ROCK1: variants seen among roughly 807,000 people sequenced by gnomAD.
ROCK1 encodes the protein rho-associated protein kinase 1.
Under a neutral mutation model 196.8 loss-of-function variants are expected in ROCK1, and 36 were observed. That is an observed-to-expected ratio of 0.18 (90% CI 0.14 to 0.24). The LOEUF is 0.24. ROCK1 is among the 10% of genes least tolerant of loss of function. ROCK1 has a pLI of 1.00. For synonymous variants in ROCK1, 443 were observed against 515.9 expected, an observed-to-expected ratio of 0.86 and a Z score of 1.91; for missense variants, 920 against 1,562.0, an observed-to-expected ratio of 0.59 and a Z score of 6.93.
intron 2 of ROCK1, among the ~76,000 whole-genome samples, chr18:21,064,668 T>C (rs2036319148): frequency 6.6e-6 from 1 of 152,246 alleles, no homozygotes; most frequent in African/African-American, 2.4e-5. Flanking sequence ...TGGCTCATTA[T>C]AGTCTTCTAG....
chr18:21,068,774 G>A (rs764073646), intron 2 of ROCK1, among the ~76,000 whole-genome samples: 1 of 152,104 alleles, frequency 6.6e-6, no homozygotes, highest in African/African-American at 2.4e-5. Flanking sequence ...ATTGCTTGTT[G>A]TTAATAAATG....
chr18:20,947,858 A>T lies in ROCK1; in HGVS notation c.*3526T>A, dbSNP rs1428672946. Reference sequence around the variant, plus strand: ...CGCGGTGGCTCATGCCTGTAATCCCAGCACTTTGGGAGGCCAAGGTGGGTG... The same window carrying T: ...CGCGGTGGCTCATGCCTGTAATCCCTGCACTTTGGGAGGCCAAGGTGGGTG... On this transcript the variant is annotated 3_prime_UTR_variant, in exon 33 of 33. Transcript: ENST00000399799. 2 of 152,188 alleles carry T rather than the reference A, an allele frequency of 1.3e-5. No homozygotes were observed. The highest frequency in any genetic ancestry group is 1.5e-5 in the Non-Finnish European group (1 of 68,048). 9.4% of individuals were successfully genotyped at this position (152,188 alleles called of 1,614,324 possible). A position where few individuals can be genotyped will look rare whatever the true frequency, so the allele number is the denominator to read the frequency against.
At chr18:21,018,587 T>C (rs2035885488) in intron 12 of ROCK1, among the ~76,000 whole-genome samples, 1 of 151,884 alleles carries the variant, frequency 6.6e-6, no homozygotes, top group Non-Finnish European at 1.5e-5. Context: ...TATAACAGTA[T>C]CTACCCAGTT....
intron 1 of ROCK1, among the ~76,000 whole-genome samples, chr18:21,100,164 A>T (rs7243358): frequency 0.15 from 22,828 of 151,488 alleles, 3,333 homozygotes; most frequent in African/African-American, 0.38. Flanking sequence ...AAAAAAAAAA[A>T]CCTAAAATGA....
At chr18:21,042,805 C>A in intron 6 of ROCK1, 96 bp from the exon 7 acceptor site, 1 of 1,192,220 alleles carries the variant, frequency 8.4e-7, no homozygotes, top group Non-Finnish European at 1.2e-6. Context: ...GACTCCAAAT[C>A]TTTGAGCTAT....
chr18:21,107,784 T>A (rs1341023928), intron 1 of ROCK1, among the ~76,000 whole-genome samples: 2 of 152,346 alleles, frequency 1.3e-5, no homozygotes, highest in African/African-American at 4.8e-5. Context: ...CCAGGCACGG[T>A]GGCTCACGCC....
At chr18:21,072,868 A>C (rs1469257888) in intron 1 of ROCK1, among the ~76,000 whole-genome samples, 1 of 151,884 alleles carries the variant, frequency 6.6e-6, no homozygotes, top group Non-Finnish European at 1.5e-5. Flanking sequence ...ATCAGGAGTT[A>C]GAGACCAGCC....
chr18:21,041,416 C>A (rs1380498347), intron 8 of ROCK1, among the ~76,000 whole-genome samples: 2 of 151,260 alleles, frequency 1.3e-5, no homozygotes, highest in South Asian at 4.2e-4. Flanking sequence ...TAACAATATA[C>A]AATCATAAAC....
chr18:21,049,920 G>T, intron 2 of ROCK1, 40 bp from the exon 3 acceptor site: 1 of 1,094,720 alleles, frequency 9.1e-7, no homozygotes, highest in Non-Finnish European at 1.3e-6. Context: ...AATCACTAAA[G>T]CATTACAACT....
intron 22 of ROCK1, among the ~76,000 whole-genome samples, chr18:20,975,405 C>T (rs1028861446): frequency 6.6e-6 from 1 of 152,068 alleles, no homozygotes; most frequent in Non-Finnish European, 1.5e-5. Context: ...AGAAATAAGG[C>T]TAATCAGGCT....
chr18:21,051,510 C>T (rs2036203885), intron 2 of ROCK1, among the ~76,000 whole-genome samples: 2 of 152,100 alleles, frequency 1.3e-5, no homozygotes, highest in Admixed American at 1.3e-4. Flanking sequence ...AAACCAAGCA[C>T]AGAGGAACTG....
intron 22 of ROCK1, among the ~76,000 whole-genome samples, chr18:20,977,137 T>C (rs2143378373): frequency 6.6e-6 from 1 of 152,238 alleles, no homozygotes; most frequent in South Asian, 2.1e-4. Context: ...TTAGAGTGAG[T>C]TTTCTAAAAT....
chr18:20,980,025 A>C (rs1450917734), intron 21 of ROCK1, 21 bp from the exon 22 acceptor site: 2 of 1,519,948 alleles, frequency 1.3e-6, no homozygotes, highest in African/African-American at 2.8e-5. Context: ...AGTGACAAGG[A>C]GAAATAAGTG....
At chr18:21,073,279 A>G (rs1195228690) in intron 1 of ROCK1, among the ~76,000 whole-genome samples, 1 of 152,142 alleles carries the variant, frequency 6.6e-6, no homozygotes, top group Admixed American at 6.5e-5. Context: ...AGGCAGGCAT[A>G]ATCAATTAAA....
At chr18:20,996,456 A>T (rs2035671416) in intron 16 of ROCK1, among the ~76,000 whole-genome samples, 1 of 152,232 alleles carries the variant, frequency 6.6e-6, no homozygotes, top group Admixed American at 6.5e-5. Flanking sequence ...AAGAGTTATT[A>T]GCCTTAAAGA....
At chr18:21,029,487 A>C (rs1158131798) in intron 9 of ROCK1, among the ~76,000 whole-genome samples, 1 of 152,166 alleles carries the variant, frequency 6.6e-6, no homozygotes, top group African/African-American at 2.4e-5. Flanking sequence ...CATAAGATTA[A>C]GCCACAGGAG....
chr18:20,961,721 T>C (rs544374037), intron 27 of ROCK1, among the ~76,000 whole-genome samples: 1 of 152,094 alleles, frequency 6.6e-6, no homozygotes. Flanking sequence ...CCTTTGCTTG[T>C]GTTATTCCTC....
intron 1 of ROCK1, among the ~76,000 whole-genome samples, chr18:21,076,322 G>A (rs1206392434): frequency 9.2e-5 from 14 of 152,014 alleles, no homozygotes; most frequent in South Asian, 2.1e-4. Flanking sequence ...TGGCTAATAC[G>A]GTGAAACCCC....
intron 19 of ROCK1, among the ~76,000 whole-genome samples, chr18:20,985,163 T>C (rs2035567407): frequency 6.6e-6 from 1 of 152,006 alleles, no homozygotes; most frequent in Admixed American, 6.6e-5. Context: ...CCTGTCTACG[T>C]GCTCTACTCT....
Sources: allele counts gnomAD v4.1 joint callset (sites outside exome capture counted in the v4.1 genomes callset), GRCh38; gene constraint gnomAD v4.1.1; transcripts MANE v1.5; gene names NCBI Gene and HGNC (gene_info 2026-07-23, HGNC 2026-07-21).